Variants in IRAG1 observed in about 807,000 individuals in gnomAD.
The protein encoded by IRAG1 is IP3R-associated cGMP kinase substrate.
Under a neutral mutation model 106.2 loss-of-function variants are expected in IRAG1, and 62 were observed. That is an observed-to-expected ratio of 0.58 (90% CI 0.48 to 0.72). The LOEUF is 0.72. Ranked by LOEUF, IRAG1 falls within the 30% of genes least tolerant of loss-of-function variation. IRAG1 has a pLI of 0.00. For synonymous variants in IRAG1, 462 were observed against 443.9 expected, an observed-to-expected ratio of 1.04 and a Z score of -0.51; for missense variants, 1,064 against 1,140.7, an observed-to-expected ratio of 0.93 and a Z score of 0.97.
chr11:10,593,592 G>A lies in IRAG1; in HGVS notation c.2075C>T (p.Pro692Leu), dbSNP rs779796066. 6.2e-7 allele frequency: 1 copy of A among 1,613,310 alleles called. No individual in the cohort carries two copies. The highest frequency in any genetic ancestry group is 1.1e-5 in the South Asian group (1 of 91,016). The change falls in exon 17 of 21, where the codon CCT becomes CTT. Residue 692 changes from proline (P) to leucine (L), a missense_variant. Transcript: ENST00000423302. ...SMSLTLGKNM[P>L]RRRVSVAVVP... ...CACAGCAACGCTGACCCTCCGGCGAGGCATATTCTGCAGGAAGAGAAGTGA... is the reference window on the plus strand; with the variant it reads ...CACAGCAACGCTGACCCTCCGGCGAAGCATATTCTGCAGGAAGAGAAGTGA...
At chr11:10,645,429 T>C (rs1857865053) in intron 2 of IRAG1, among the ~76,000 whole-genome samples, 1 of 152,258 alleles carries the variant, frequency 6.6e-6, no homozygotes, top group African/African-American at 2.4e-5. Flanking sequence ...CTGTGAAATG[T>C]GCATAGTCAT....
At chr11:10,673,730 T>TC (rs941157966) in intron 1 of IRAG1, among the ~76,000 whole-genome samples, 2 of 151,976 alleles carry the variant, frequency 1.3e-5, no homozygotes, top group Non-Finnish European at 2.9e-5. Context: ...CTAGCTTTGG[T>TC]CCTTAGTGCC....
intron 15 of IRAG1, among the ~76,000 whole-genome samples, chr11:10,598,650 G>C (rs530527363): frequency 6.6e-6 from 1 of 152,168 alleles, no homozygotes; most frequent in Non-Finnish European, 1.5e-5. Context: ...TCAATGGCAC[G>C]GTGAATTGAG....
chr11:10,640,396 G>T (rs1044787536), intron 2 of IRAG1, among the ~76,000 whole-genome samples: 1 of 152,226 alleles, frequency 6.6e-6, no homozygotes, highest in East Asian at 1.9e-4. Flanking sequence ...ATCCTGGAAG[G>T]TTCTTCACAC....
chr11:10,627,183 G>GT (rs2134578792), intron 8 of IRAG1, among the ~76,000 whole-genome samples: 1 of 152,238 alleles, frequency 6.6e-6, no homozygotes, highest in South Asian at 2.1e-4. Context: ...GGGTCTGTGT[G>GT]GCTGCCTCGT....
Position 10,669,326 on chromosome 11 carries a change from GCTTT to G in IRAG1, c.68-17148_68-17145del, listed in dbSNP as rs1278735091. ...CCAGTCACCCGCCTCTCTGGGCCTA[GCTTT>G]CAGTTTCTGTATAACAACTTCCAGA... On this transcript the variant is annotated intron_variant, in intron 1 of 20. Coordinates refer to ENST00000423302, the MANE Select transcript of IRAG1 (RefSeq NM_130385.4). 2.0e-5 allele frequency among the ~76,000 whole-genome samples: 3 copies of G among 152,162 alleles called. No individual in the cohort carries two copies. In the East Asian group the frequency reaches 5.8e-4, roughly 29 times the overall value.
chr11:10,607,638 C>T (rs894888587), intron 11 of IRAG1, among the ~76,000 whole-genome samples: 3 of 145,416 alleles, frequency 2.1e-5, no homozygotes, highest in African/African-American at 5.0e-5. Context: ...GTCCTACCAG[C>T]GTCACAGAAC....
chr11:10,579,566 CT>C (rs1169378167), intron 20 of IRAG1, among the ~76,000 whole-genome samples: 1 of 152,068 alleles, frequency 6.6e-6, no homozygotes, highest in African/African-American at 2.4e-5. Flanking sequence ...TGAAATTGGG[CT>C]GTCCTGAAAA....
chr11:10,665,037 A>T lies in IRAG1; in HGVS notation c.68-12855T>A, dbSNP rs1437779364. 6.6e-6 allele frequency among the ~76,000 whole-genome samples: 1 copy of T among 152,160 alleles called. No homozygotes were observed. Among genetic ancestry groups the T allele is most frequent in the Non-Finnish European group, 1.5e-5 (1 of 68,028 alleles). ...TTTGGCACTTGCAATAAAGAGTTCC[A>T]ACTGGTGCAAACAGCCTATCCTTTA... is the stretch of plus-strand genomic sequence containing the variant. On this transcript the variant is annotated intron_variant, in intron 1 of 20. Coordinates refer to ENST00000423302, the MANE Select transcript of IRAG1 (RefSeq NM_130385.4). The surrounding 1 kb of genome is among the most constrained non-coding windows in gnomAD (Gnocchi z 4.2).
At chr11:10,654,481 C>T (rs1030534528) in intron 1 of IRAG1, among the ~76,000 whole-genome samples, 1 of 152,204 alleles carries the variant, frequency 6.6e-6, no homozygotes, top group Admixed American at 6.5e-5. Context: ...CTACTGGTCA[C>T]CTCAAGAAAT....
intron 9 of IRAG1, among the ~76,000 whole-genome samples, chr11:10,624,452 G>A (rs982575523): frequency 4.6e-5 from 7 of 152,198 alleles, no homozygotes; most frequent in Non-Finnish European, 8.8e-5. Flanking sequence ...CAGAGCCCGG[G>A]GAGAGATGGG....
intron 1 of IRAG1, among the ~76,000 whole-genome samples, chr11:10,680,608 T>C (rs1448557227): frequency 2.0e-5 from 3 of 151,322 alleles, no homozygotes; most frequent in Non-Finnish European, 4.4e-5. Flanking sequence ...CCCTCTTAGG[T>C]TAGAGGGTGT....
At chr11:10,606,237 C>G (rs1046215376) in intron 12 of IRAG1, among the ~76,000 whole-genome samples, 1 of 152,158 alleles carries the variant, frequency 6.6e-6, no homozygotes, top group Non-Finnish European at 1.5e-5. Flanking sequence ...CACTCACAAC[C>G]CCGCTGGGAC....
In IRAG1 at chr11:10,647,314, T is replaced by G. The variant is rs763853254; in HGVS notation, c.225+4711A>C. On this transcript the variant is annotated intron_variant, in intron 2 of 20. Transcript: ENST00000423302. The surrounding 1 kb of genome is among the most constrained non-coding windows in gnomAD (Gnocchi z 4.3). Reference sequence around the variant, plus strand: ...GGAAGGTAGTTAATTTCTTTGTGCCTCAGTTTCCTCAGCTATGAAATGGGA... The same window carrying G: ...GGAAGGTAGTTAATTTCTTTGTGCCGCAGTTTCCTCAGCTATGAAATGGGA... 2.6e-5 allele frequency among the ~76,000 whole-genome samples: 4 copies of G among 152,180 alleles called. No individual in the cohort carries two copies. Among genetic ancestry groups the G allele is most frequent in the Non-Finnish European group, 5.9e-5 (4 of 68,034 alleles).
intron 10 of IRAG1, among the ~76,000 whole-genome samples, 188 bp downstream of exon 10, chr11:10,623,590 G>A (rs1386487646): frequency 6.6e-6 from 1 of 152,212 alleles, no homozygotes; most frequent in East Asian, 1.9e-4. Context: ...CGAGGCCTGG[G>A]GGCTGGTTGG....
At chr11:10,588,349 T>TG (rs1045546117) in intron 18 of IRAG1, among the ~76,000 whole-genome samples, 9 of 152,170 alleles carry the variant, frequency 5.9e-5, no homozygotes, top group African/African-American at 1.9e-4. Context: ...AACTTTTTTT[T>TG]TTTTGTTTTT....
intron 18 of IRAG1, 85 bp from the exon 19 acceptor site, chr11:10,582,071 G>C: frequency 6.8e-7 from 1 of 1,469,068 alleles, no homozygotes; most frequent in East Asian, 2.4e-5. Context: ...CCCGATTCCT[G>C]ATTAGGAGTG....
chr11:10,636,359 T>C (rs988582563), intron 2 of IRAG1, among the ~76,000 whole-genome samples: 5 of 152,166 alleles, frequency 3.3e-5, no homozygotes, highest in Admixed American at 3.3e-4. Flanking sequence ...ATTTTTTTTT[T>C]AGAGACAGGG....
intron 1 of IRAG1, among the ~76,000 whole-genome samples, chr11:10,654,607 C>T (rs1458866207): frequency 6.6e-6 from 1 of 152,210 alleles, no homozygotes; most frequent in Non-Finnish European, 1.5e-5. Flanking sequence ...CTTCAAGGAA[C>T]ATAGAGCCCA....
Sources: gnomAD v4.1 joint callset for allele counts (sites outside exome capture counted in the v4.1 genomes callset) on GRCh38, gnomAD v4.1.1 for gene constraint, Gnocchi (gnomAD v3.1) non-coding constraint, MANE v1.5 for transcripts, NCBI Gene and HGNC (gene_info 2026-07-23, HGNC 2026-07-21) for gene names.